KSR2: variants seen among roughly 807,000 people sequenced by gnomAD.
The protein encoded by KSR2 is kinase suppressor of ras 2.
A neutral mutation model predicts 107.8 loss-of-function variants in KSR2; 25 were observed. The observed-to-expected ratio is 0.23, with a 90% CI of 0.17 to 0.32. The LOEUF (loss-of-function observed/expected upper bound fraction) is 0.32, where lower values mean the gene tolerates loss of function less well. KSR2 is among the 10% of genes least tolerant of loss of function. KSR2 has a pLI of 1.00. For missense variants in KSR2, 887 were observed against 1,268.9 expected (o/e 0.70, Z 4.57); for synonymous variants, 480 against 507.0 (o/e 0.95, Z 0.71).
intron 4 of KSR2, among the ~76,000 whole-genome samples, chr12:117,707,623 C>T: frequency 6.6e-6 from 1 of 152,088 alleles, no homozygotes; most frequent in East Asian, 1.9e-4. Flanking sequence ...GTGCAGAAAA[C>T]AAATGAAGTT....
rs1555260902 is a variant in KSR2 at position 117,950,749 on chromosome 12, A to AAAAAT, written c.180+17326_180+17327insATTTT. 6.3e-4 allele frequency among the ~76,000 whole-genome samples: 83 copies of AAAAAT among 132,144 alleles called. No homozygotes were observed. In the Middle Eastern group the frequency reaches 0.012, roughly 19 times the overall value. The allele number at this position is 132,144 out of a possible 152,430, so 86.7% of individuals were successfully genotyped here. A position where few individuals can be genotyped will look rare whatever the true frequency, so the allele number is the denominator to read the frequency against. On this transcript the variant is annotated intron_variant, in intron 1 of 19. Transcript: ENST00000339824. ...GAGCAAGACTCTGTAAAAAAAAAAA[A>AAAAAT]AATAATAATAATAATAATAATGATA...
intron 3 of KSR2, among the ~76,000 whole-genome samples, chr12:117,791,253 C>T (rs1383830764): frequency 6.6e-6 from 1 of 152,196 alleles, no homozygotes; most frequent in Non-Finnish European, 1.5e-5. Context: ...CAGGAGCTTG[C>T]TTCCTGTCAC....
intron 3 of KSR2, among the ~76,000 whole-genome samples, chr12:117,840,718 CTAAGCCAGGCATGGTGGCT>C (rs958168215): frequency 1.3e-5 from 2 of 151,932 alleles, no homozygotes; most frequent in Non-Finnish European, 2.9e-5. Flanking sequence ...TTAAAAAATA[CTAAGCCAGGCATGGTGGCT>C]TACGCCTATA....
intron 18 of KSR2, among the ~76,000 whole-genome samples, chr12:117,470,938 C>T (rs1871414037): frequency 6.6e-6 from 1 of 152,200 alleles, no homozygotes; most frequent in Admixed American, 6.5e-5. Flanking sequence ...CTACCTAACT[C>T]AGCAACCCAC....
intron 7 of KSR2, among the ~76,000 whole-genome samples, chr12:117,568,174 A>G (rs1878650259): frequency 6.6e-6 from 1 of 151,348 alleles, no homozygotes; most frequent in Non-Finnish European, 1.5e-5. Context: ...TACTTGCTGT[A>G]CCCTCCCTCC....
chr12:117,505,630 TA>T (rs1873634723), intron 14 of KSR2, among the ~76,000 whole-genome samples: 1 of 152,222 alleles, frequency 6.6e-6, no homozygotes, highest in Admixed American at 6.5e-5. Flanking sequence ...AAGGCTCAAC[TA>T]TCCACTTTTC....
rs553226976 is a variant in KSR2, at chr12:117,902,682, G to A, written c.181-42251C>T. 5.3e-5 allele frequency among the ~76,000 whole-genome samples: 8 copies of A among 151,946 alleles called. No individual in the cohort carries two copies. In the South Asian group the frequency reaches 6.2e-4, roughly 12 times the overall value. On this transcript the variant is annotated intron_variant, in intron 1 of 19. Coordinates refer to ENST00000339824, the MANE Select transcript of KSR2 (RefSeq NM_173598.6). ...TGGGTGCAGCAAACCACCATGGCAC[G>A]CGTATACCTATGTAACAAACCGTCA...
At chr12:117,731,975 A>G (rs1156936144) in intron 4 of KSR2, among the ~76,000 whole-genome samples, 4 of 148,296 alleles carry the variant, frequency 2.7e-5, no homozygotes, top group Non-Finnish European at 4.5e-5. Context: ...TCCCTCCACT[A>G]TTGTCCTATG....
chr12:117,816,382 TG>T (rs1486345941), intron 3 of KSR2, among the ~76,000 whole-genome samples: 3 of 152,160 alleles, frequency 2.0e-5, no homozygotes, highest in Non-Finnish European at 4.4e-5. Flanking sequence ...CCAGCTATCA[TG>T]GTGCAGAGAC....
At chr12:117,823,379 G>A (rs1025102734) in intron 3 of KSR2, among the ~76,000 whole-genome samples, 1 of 152,164 alleles carries the variant, frequency 6.6e-6, no homozygotes, top group Admixed American at 6.6e-5. Flanking sequence ...GTAGTCATGA[G>A]AACTAGGCAG....
intron 5 of KSR2, among the ~76,000 whole-genome samples, chr12:117,637,675 G>GTGTTTTT (rs1565938365): frequency 1.1e-5 from 1 of 92,088 alleles, no homozygotes; most frequent in Non-Finnish European, 2.0e-5. Context: ...TCAGTTTTGG[G>GTGTTTTT]TTTTTTTTTT....
At chr12:117,683,939 A>T (rs1480031903) in intron 4 of KSR2, among the ~76,000 whole-genome samples, 1 of 152,240 alleles carries the variant, frequency 6.6e-6, no homozygotes, top group African/African-American at 2.4e-5. Context: ...ACGTATGACC[A>T]TGTTCCGATA....
Position 117,525,893 on chromosome 12 carries a change from A to T in KSR2, c.1852-674T>A, listed in dbSNP as rs200248607. 8.5e-5 allele frequency among the ~76,000 whole-genome samples: 13 copies of T among 152,320 alleles called. No individual in the cohort carries two copies. The East Asian group carries it at 2.5e-3, about 29-fold the overall frequency. On this transcript the variant is annotated intron_variant, in intron 13 of 19. Transcript: ENST00000339824. ...GTAGGAGACATGAGAGTGAGGGGTT[A>T]ACAGAATGGGCTTAACAATCAGACA... is the stretch of plus-strand genomic sequence containing the variant.
At chr12:117,700,006 G>A (rs1886237159) in intron 4 of KSR2, among the ~76,000 whole-genome samples, 1 of 151,572 alleles carries the variant, frequency 6.6e-6, no homozygotes. Flanking sequence ...CTGAGGAGGT[G>A]GGACTGCAGG....
chr12:117,843,887 G>A (rs1336453743), intron 3 of KSR2, among the ~76,000 whole-genome samples: 1 of 149,264 alleles, frequency 6.7e-6, no homozygotes, highest in African/African-American at 2.5e-5. Flanking sequence ...CCTTACCTAT[G>A]TCAGGGTAGG....
At chr12:117,486,698 G>A (rs1010060165) in intron 14 of KSR2, among the ~76,000 whole-genome samples, 1 of 152,188 alleles carries the variant, frequency 6.6e-6, no homozygotes, top group African/African-American at 2.4e-5. Flanking sequence ...TCCTGTGGTT[G>A]AAGCAAGAGC....
intron 3 of KSR2, among the ~76,000 whole-genome samples, chr12:117,839,928 A>G (rs1252222732): frequency 6.6e-6 from 1 of 152,150 alleles, no homozygotes. Flanking sequence ...TTTTCCTTCA[A>G]ACTTTCTCAT....
chr12:117,467,919 GTTTT>G, intron 19 of KSR2: 29 of 291,728 alleles, frequency 9.9e-5, no homozygotes, highest in East Asian at 3.1e-4. Flanking sequence ...ACAGTCCTGT[GTTTT>G]TTTTTTTTTT....
At chr12:117,817,403 G>C (rs970607003) in intron 3 of KSR2, among the ~76,000 whole-genome samples, 3 of 151,884 alleles carry the variant, frequency 2.0e-5, no homozygotes, top group African/African-American at 7.3e-5. Flanking sequence ...ATGTTCCCAA[G>C]TAAAAACAGC....
Sources: allele counts gnomAD v4.1 joint callset (sites outside exome capture counted in the v4.1 genomes callset), GRCh38; gene constraint gnomAD v4.1.1; transcripts MANE v1.5; gene names NCBI Gene and HGNC (gene_info 2026-07-23, HGNC 2026-07-21).